Variants in ASCC3 observed in about 807,000 individuals in gnomAD.
ASCC3 encodes activating signal cointegrator 1 complex subunit 3.
Under a neutral mutation model 256.3 loss-of-function variants are expected in ASCC3, and 158 were observed. The observed-to-expected ratio is 0.62, with a 90% CI of 0.54 to 0.70. ASCC3 has a LOEUF of 0.70. Ranked by LOEUF, ASCC3 falls within the 30% of genes least tolerant of loss-of-function variation. The pLI is 0.00. For synonymous variants in ASCC3, 948 were observed against 883.4 expected, an observed-to-expected ratio of 1.07 and a Z score of -1.30; for missense variants, 2,259 against 2,626.0, an observed-to-expected ratio of 0.86 and a Z score of 3.05.
intron 38 of ASCC3, 30 bp from the exon 39 acceptor site, chr6:100,516,357 A>T (rs1356456663): frequency 7.4e-6 from 12 of 1,612,704 alleles, no homozygotes; most frequent in Non-Finnish European, 9.3e-6. Context: ...CAACCAAATA[A>T]TTGTTTCACA....
At chr6:100,688,362 G>T (rs921868908) in intron 13 of ASCC3, among the ~76,000 whole-genome samples, 1 of 151,920 alleles carries the variant, frequency 6.6e-6, no homozygotes, top group Non-Finnish European at 1.5e-5. Context: ...AGTAAACTGA[G>T]TATAAATATT....
intron 3 of ASCC3, 118 bp downstream of exon 3, chr6:100,863,946 A>G (rs1404746392): frequency 4.1e-6 from 4 of 969,780 alleles, no homozygotes; most frequent in African/African-American, 1.7e-5. Flanking sequence ...ATAATTATGA[A>G]TACTTAGATG....
At chr6:100,534,454 A>G (rs796347243) in intron 37 of ASCC3, among the ~76,000 whole-genome samples, 21 of 152,330 alleles carry the variant, frequency 1.4e-4, no homozygotes, top group African/African-American at 5.1e-4. Flanking sequence ...TGGCATATCC[A>G]GTACAGAAAG....
chr6:100,687,375 T>C (rs975984671), intron 13 of ASCC3, among the ~76,000 whole-genome samples: 1 of 152,126 alleles, frequency 6.6e-6, no homozygotes, highest in African/African-American at 2.4e-5. Flanking sequence ...TGTTTGTTTG[T>C]TTTTTGAGAC....
chr6:100,786,590 G>C (rs572372911), intron 8 of ASCC3, among the ~76,000 whole-genome samples: 6 of 152,088 alleles, frequency 3.9e-5, no homozygotes, highest in Non-Finnish European at 7.4e-5. Flanking sequence ...GTTCAACTCA[G>C]AGCTGAAACC....
chr6:100,828,774 A>G (rs1771462688), intron 4 of ASCC3, among the ~76,000 whole-genome samples: 1 of 152,098 alleles, frequency 6.6e-6, no homozygotes, highest in African/African-American at 2.4e-5. Context: ...GTGTGGACCC[A>G]AAGAGTGAGC....
At chr6:100,842,704 C>T (rs986802047) in intron 4 of ASCC3, among the ~76,000 whole-genome samples, 4 of 152,082 alleles carry the variant, frequency 2.6e-5, no homozygotes, top group African/African-American at 9.7e-5. Context: ...GGTGCAGTGG[C>T]TCATGCCTGC....
chr6:100,798,925 AC>A, intron 7 of ASCC3, 87 bp from the exon 8 acceptor site: 1 of 1,203,756 alleles, frequency 8.3e-7, no homozygotes, highest in Non-Finnish European at 1.2e-6. Context: ...GACAGAAAAC[AC>A]TACTGGTTTT....
chr6:100,510,324 C>T (rs1219649023), intron 40 of ASCC3: 2 of 552,780 alleles, frequency 3.6e-6, no homozygotes, highest in Non-Finnish European at 6.4e-6. Flanking sequence ...ATTATAGACA[C>T]TAGTTCGTAG....
Position 100,627,299 on chromosome 6 carries a change from A to C in ASCC3, c.4642+291T>G, listed in dbSNP as rs115927215. On this transcript the variant is annotated intron_variant, in intron 29 of 41. Transcript: ENST00000369162. Reference sequence around the variant, plus strand: ...TGTAGCTTCCATTTCTCATCTGTCCAAGCTACTATCATAAAAACACTTTGA... The same window carrying C: ...TGTAGCTTCCATTTCTCATCTGTCCCAGCTACTATCATAAAAACACTTTGA... Among the ~76,000 whole-genome samples, 581 of 152,244 alleles carry C rather than the reference A, an allele frequency of 3.8e-3. 2 individuals carry two copies. The highest frequency in any genetic ancestry group is 0.013 in the African/African-American group (548 of 41,552).
In ASCC3 at chr6:100,586,144, G is replaced by A. The variant is rs144822201; in HGVS notation, c.5550+3490C>T. On this transcript the variant is annotated intron_variant, in intron 36 of 41. Coordinates refer to ENST00000369162, the MANE Select transcript of ASCC3 (RefSeq NM_006828.4). ...GCCAGGGACATTTAAGTCTGCAGAC[G>A]TTACTGCTATCTTTTTGTTTGTCTG... is the stretch of plus-strand genomic sequence containing the variant. 5.3e-5 allele frequency among the ~76,000 whole-genome samples: 8 copies of A among 152,320 alleles called. No homozygotes were observed. In the South Asian group the frequency reaches 1.2e-3, roughly 24 times the overall value.
intron 4 of ASCC3, among the ~76,000 whole-genome samples, chr6:100,816,367 T>TA (rs975972192): frequency 6.2e-4 from 93 of 151,056 alleles, no homozygotes; most frequent in African/African-American, 2.1e-3. Flanking sequence ...CTTAAAGAGC[T>TA]AAAAAAAAAC....
At chr6:100,720,670 C>T (rs989294067) in intron 11 of ASCC3, among the ~76,000 whole-genome samples, 2 of 151,618 alleles carry the variant, frequency 1.3e-5, no homozygotes, top group African/African-American at 2.4e-5. Flanking sequence ...TAGTCTTTAA[C>T]GTCCAGCTAA....
intron 36 of ASCC3, among the ~76,000 whole-genome samples, chr6:100,587,939 G>A (rs1195860884): frequency 6.6e-6 from 1 of 152,128 alleles, no homozygotes; most frequent in Non-Finnish European, 1.5e-5. Context: ...GAATGTAGTA[G>A]GCATATGATT....
chr6:100,814,699 T>A (rs1181415683), intron 4 of ASCC3, among the ~76,000 whole-genome samples: 3 of 152,152 alleles, frequency 2.0e-5, no homozygotes, highest in South Asian at 2.1e-4. Flanking sequence ...AATTTATCCT[T>A]TTCTTCTAAA....
intron 30 of ASCC3, among the ~76,000 whole-genome samples, chr6:100,623,671 A>G (rs1774080299): frequency 6.6e-6 from 1 of 152,148 alleles, no homozygotes; most frequent in Non-Finnish European, 1.5e-5. Flanking sequence ...ACAATTATCT[A>G]CTGATTTCAT....
intron 8 of ASCC3, among the ~76,000 whole-genome samples, chr6:100,778,552 T>G (rs1316468639): frequency 6.6e-6 from 1 of 152,156 alleles, no homozygotes; most frequent in Non-Finnish European, 1.5e-5. Flanking sequence ...TCAACTGTAT[T>G]TGTGGTCAAT....
chr6:100,733,342 G>A lies in ASCC3; in HGVS notation c.1738-7639C>T, dbSNP rs150921109. Among the ~76,000 whole-genome samples, 6 of 152,234 alleles carry A rather than the reference G, an allele frequency of 3.9e-5. No homozygotes were observed. The East Asian group carries it at 1.2e-3, about 29-fold the overall frequency. On this transcript the variant is annotated intron_variant, in intron 10 of 41. Coordinates refer to ENST00000369162, the MANE Select transcript of ASCC3 (RefSeq NM_006828.4). ...GCAATATTGGTAGGTGGGGCCTCGT[G>A]GGTGGTGTTTGGGTCATGACGTCAG...
chr6:100,656,533 G>T (rs979379795), intron 16 of ASCC3, among the ~76,000 whole-genome samples: 1 of 151,360 alleles, frequency 6.6e-6, no homozygotes, highest in Non-Finnish European at 1.5e-5. Context: ...ATAAACAGTG[G>T]ATAATTCTTC....
Sources: allele counts gnomAD v4.1 joint callset (sites outside exome capture counted in the v4.1 genomes callset), GRCh38; gene constraint gnomAD v4.1.1; transcripts MANE v1.5; gene names NCBI Gene and HGNC (gene_info 2026-07-23, HGNC 2026-07-21).